EP300: variants seen among roughly 807,000 people sequenced by gnomAD.
EP300 encodes histone acetyltransferase p300.
EP300 carries 31 observed loss-of-function variants against 264.0 expected under a neutral mutation model. That is an observed-to-expected ratio of 0.12 (90% CI 0.09 to 0.16). The LOEUF (loss-of-function observed/expected upper bound fraction) is 0.16, where lower values mean the gene tolerates loss of function less well. EP300 is among the 10% of genes least tolerant of loss of function. EP300 has a pLI of 1.00. For synonymous variants in EP300, 1,340 were observed against 1,045.4 expected (o/e 1.28, Z -5.44); for missense variants, 2,766 against 3,052.9 (o/e 0.91, Z 2.21).
intron 9 of EP300, among the ~76,000 whole-genome samples, chr22:41,140,492 G>A (rs2058976198): frequency 6.6e-6 from 1 of 152,010 alleles, no homozygotes; most frequent in African/African-American, 2.4e-5. Context: ...ACTTTATCTG[G>A]TTGTCCTGTC....
At chr22:41,166,543 G>A (rs767573318) in intron 22 of EP300, 56 bp from the exon 23 acceptor site, 7 of 1,399,132 alleles carry the variant, frequency 5.0e-6, no homozygotes, top group Non-Finnish European at 6.1e-6. Flanking sequence ...CTTTTTGTTA[G>A]TATAAATTCA....
intron 5 of EP300, among the ~76,000 whole-genome samples, 181 bp from the exon 6 acceptor site, chr22:41,131,207 C>T (rs2058917353): frequency 6.6e-6 from 1 of 152,076 alleles, no homozygotes; most frequent in Non-Finnish European, 1.5e-5. Context: ...CCAGTGGTCC[C>T]CTTTACCAAT....
chr22:41,102,059 A>T (rs2145677935), intron 1 of EP300, among the ~76,000 whole-genome samples: 1 of 127,424 alleles, frequency 7.8e-6, no homozygotes, highest in Admixed American at 9.1e-5. Flanking sequence ...TACTGGTTGC[A>T]GCCTACTATA....
At chr22:41,103,683 GGA>G (rs1378024496) in intron 1 of EP300, among the ~76,000 whole-genome samples, 2 of 152,138 alleles carry the variant, frequency 1.3e-5, no homozygotes, top group African/African-American at 4.8e-5. Context: ...GTTTTTCATG[GGA>G]GAGAGATGGG....
rs765266179 is a variant in EP300, at chr22:41,135,824, A to G, written c.1540A>G (p.Met514Val). ...TCATTTTGACTTAGGTGCTAGTCCT[A>G]TGGGAGTAAATGGAGGTGTAGGAGT... Reference protein sequence around the residue: ...RPMSNMSASPMGVNGGVGVQT... With the variant: ...RPMSNMSASPVGVNGGVGVQT... The change falls in exon 7 of 31, where the codon ATG (methionine) becomes GTG (valine). Residue 514 changes from methionine (M) to valine (V), a missense_variant. Met to Val is a conservative substitution (Grantham distance 21). Coordinates refer to ENST00000263253, the MANE Select transcript of EP300 (RefSeq NM_001429.4). The G allele has an allele frequency of 8.1e-5, 130 of 1,613,100 alleles. No individual in the cohort carries two copies. Among genetic ancestry groups the G allele is most frequent in the East Asian group, 4.5e-4 (20 of 44,862 alleles).
rs748820102 is a variant in EP300, at chr22:41,117,486, A to G, written c.394A>G (p.Thr132Ala). The stretch of plus-strand genomic sequence containing the variant: ...AAGCCCAATGACACAGGCAGGCTTG[A>G]CTTCTCCCAACATGGGGATGGGCAC... ...VKSPMTQAGL[T>A]SPNMGMGTSG... The change falls in exon 2 of 31, where the codon ACT becomes GCT. Residue 132 changes from threonine to alanine, a missense_variant. Coordinates refer to ENST00000263253, the MANE Select transcript of EP300 (RefSeq NM_001429.4). 1 of 1,613,502 alleles carries G rather than the reference A, an allele frequency of 6.2e-7. No individual in the cohort carries two copies. Among genetic ancestry groups the G allele is most frequent in the Non-Finnish European group, 8.5e-7 (1 of 1,179,512 alleles).
chr22:41,163,597 A>G (rs2059119308), intron 21 of EP300, among the ~76,000 whole-genome samples: 1 of 150,854 alleles, frequency 6.6e-6, no homozygotes, highest in African/African-American at 2.4e-5. Context: ...AAATATATAA[A>G]TTAGCTGTGC....
rs2059200502 is a variant in EP300, at chr22:41,176,360, C to G, written c.4893C>G (p.Leu1631=). Residue 1631 remains leucine (L), a synonymous_variant, in exon 30 of 31, where the codon CTC becomes CTG. Transcript: ENST00000263253. ...TGATGGATGGTCGGGATGCGTTTCT[C>G]ACGCTGGCAAGGGACAAGCACCTGG... The part of the protein sequence containing the change: ...CDLMDGRDAF[L]TLARDKHLEF... 6 of 1,614,242 alleles carry G rather than the reference C, an allele frequency of 3.7e-6. No homozygotes were observed. Among genetic ancestry groups the G allele is most frequent in the Non-Finnish European group, 5.1e-6 (6 of 1,180,048 alleles).
At chr22:41,136,843 TG>T (rs2058953786) in intron 7 of EP300, among the ~76,000 whole-genome samples, 1 of 151,222 alleles carries the variant, frequency 6.6e-6, no homozygotes, top group Admixed American at 6.6e-5. Flanking sequence ...GCAGATTGCT[TG>T]ATCTTAGAAG....
chr22:41,096,846 T>TGACCTCAGGTGATCCACC (rs2058705376), intron 1 of EP300, among the ~76,000 whole-genome samples: 1 of 152,138 alleles, frequency 6.6e-6, no homozygotes, highest in South Asian at 2.1e-4. Context: ...CTCGAACTCC[T>TGACCTCAGGTGATCCACC]GACCTCAGGT....
chr22:41,177,233 T>C lies in EP300; in HGVS notation c.5522T>C (p.Val1841Ala), dbSNP rs1443665462. 3 of 1,613,890 alleles carry C rather than the reference T, an allele frequency of 1.9e-6. No homozygotes were observed. The highest frequency in any genetic ancestry group is 2.5e-6 in the Non-Finnish European group (3 of 1,179,992). ...GCCAGCATGCAGCGGACTGGTGTGG[T>C]TGGGCAGCAACAGGGCCTCCCTTCC... Reference protein sequence around the residue: ...RMASMQRTGVVGQQQGLPSPT... With the variant: ...RMASMQRTGVAGQQQGLPSPT... Residue 1841 changes from valine (V) to alanine (A), a missense_variant, in exon 31 of 31, where the codon GTT becomes GCT. Val to Ala is a moderately conservative substitution (Grantham distance 64). Coordinates refer to ENST00000263253, the MANE Select transcript of EP300 (RefSeq NM_001429.4).
chr22:41,107,755 C>A (rs2058765672), intron 1 of EP300, among the ~76,000 whole-genome samples: 4 of 152,138 alleles, frequency 2.6e-5, no homozygotes, highest in Admixed American at 2.0e-4. Flanking sequence ...AACTGGAGTG[C>A]ATTGGTGCAG....
chr22:41,124,275 G>A (rs1201898219), intron 2 of EP300, among the ~76,000 whole-genome samples: 1 of 152,130 alleles, frequency 6.6e-6, no homozygotes, highest in African/African-American at 2.4e-5. Context: ...GGGTTGCAAA[G>A]TCAAATGACT....
intron 25 of EP300, chr22:41,169,263 G>C: frequency 1.7e-6 from 1 of 580,102 alleles, no homozygotes; most frequent in Non-Finnish European, 3.1e-6. Flanking sequence ...ACCAAATACT[G>C]ATTGATGTGT....
At chr22:41,094,708 C>G (rs1455884931) in intron 1 of EP300, among the ~76,000 whole-genome samples, 1 of 152,018 alleles carries the variant, frequency 6.6e-6, no homozygotes, top group East Asian at 1.9e-4. Flanking sequence ...TGTGGTGTTT[C>G]TTTCGTATTT....
intron 23 of EP300, among the ~76,000 whole-genome samples, chr22:41,167,843 T>G (rs1410414517): frequency 9.5e-6 from 1 of 104,876 alleles, no homozygotes; most frequent in African/African-American, 3.8e-5. Flanking sequence ...TTTTTTTTTT[T>G]TTTTTTTTGA....
At chr22:41,125,767 A>T (rs1036077295) in intron 2 of EP300, 97 bp from the exon 3 acceptor site, 5 of 1,336,624 alleles carry the variant, frequency 3.7e-6, no homozygotes, top group Non-Finnish European at 5.2e-6. Flanking sequence ...ATTTCCTTTG[A>T]AACTGTCTTT....
chr22:41,114,689 T>C (rs953280451), intron 1 of EP300, among the ~76,000 whole-genome samples: 1 of 152,106 alleles, frequency 6.6e-6, no homozygotes, highest in Non-Finnish European at 1.5e-5. Flanking sequence ...GTAAAACATG[T>C]CCTTCGCGAA....
chr22:41,102,235 A>G (rs1317085902), intron 1 of EP300, among the ~76,000 whole-genome samples: 1 of 151,996 alleles, frequency 6.6e-6, no homozygotes, highest in Non-Finnish European at 1.5e-5. Context: ...GTTTATAGAT[A>G]AGGGAAGAAG....
Sources: allele counts gnomAD v4.1 joint callset (sites outside exome capture counted in the v4.1 genomes callset), GRCh38; gene constraint gnomAD v4.1.1; transcripts MANE v1.5; gene names NCBI Gene and HGNC (gene_info 2026-07-23, HGNC 2026-07-21).